MALL: variants seen among roughly 807,000 people sequenced by gnomAD.
MALL encodes the protein MAL-like protein.
A neutral mutation model predicts 10.3 loss-of-function variants in MALL; 2 were observed. The observed-to-expected ratio is 0.19, with a 90% CI of 0.08 to 0.61. The LOEUF is 0.61. MALL is among the 20% of genes least tolerant of loss of function. The pLI, the probability that MALL is intolerant of heterozygous loss-of-function variation, is 0.88. For synonymous variants in MALL, 27 were observed against 51.8 expected (o/e 0.52, Z 2.05); for missense variants, 39 against 115.2 (o/e 0.34, Z 3.03).
intron 1 of MALL, among the ~76,000 whole-genome samples, chr2:110,105,258 A>G (rs1335125157): frequency 6.6e-6 from 1 of 152,228 alleles, no homozygotes; most frequent in African/African-American, 2.4e-5. Flanking sequence ...GGCCTGGCCA[A>G]GGGGCCAAGG....
chr2:110,117,652 A>AGT (rs1678948773), upstream of MALL, among the ~76,000 whole-genome samples: 1 of 150,458 alleles, frequency 6.6e-6, no homozygotes, highest in African/African-American at 2.4e-5. Flanking sequence ...AGAGAGAGAG[A>AGT]GAGAAACACA....
chr2:110,096,104 C>T (rs774695853), intron 1 of MALL, among the ~76,000 whole-genome samples: 4 of 152,156 alleles, frequency 2.6e-5, no homozygotes, highest in Non-Finnish European at 5.9e-5. Flanking sequence ...TGAGCACTAC[C>T]CTCCGGGCGG....
chr2:110,104,161 T>C (rs1394115522), intron 1 of MALL, among the ~76,000 whole-genome samples: 1 of 152,102 alleles, frequency 6.6e-6, no homozygotes, highest in Non-Finnish European at 1.5e-5. Flanking sequence ...GACAGCTTCA[T>C]CTATAGGTTT....
intron 1 of MALL, among the ~76,000 whole-genome samples, chr2:110,111,361 T>C (rs902382107): frequency 4.6e-5 from 7 of 152,136 alleles, no homozygotes; most frequent in Non-Finnish European, 1.0e-4. Context: ...GATAAAAGAA[T>C]TCAGCAAAAG....
intron 1 of MALL, among the ~76,000 whole-genome samples, chr2:110,102,266 C>T (rs1678587225): frequency 6.6e-6 from 1 of 152,102 alleles, no homozygotes; most frequent in Admixed American, 6.5e-5. Context: ...ATGACTAGAC[C>T]CTGAAAGGCA....
chr2:110,096,428 T>C (rs1344630932), intron 1 of MALL, among the ~76,000 whole-genome samples: 1 of 152,022 alleles, frequency 6.6e-6, no homozygotes, highest in Non-Finnish European at 1.5e-5. Flanking sequence ...GGCCCCTCTA[T>C]CATCTGGCCC....
intron 1 of MALL, among the ~76,000 whole-genome samples, chr2:110,099,282 T>G (rs547093048): frequency 6.6e-6 from 1 of 152,114 alleles, no homozygotes; most frequent in South Asian, 2.1e-4. Flanking sequence ...TGGGAATGTG[T>G]GTGCGTGCCT....
At position 110,101,897 on chromosome 2, in the gene MALL, C is replaced by T. The variant is rs1326190536; in HGVS notation, c.106-10127G>A. Among the ~76,000 whole-genome samples, 3 of 152,104 alleles carry T rather than the reference C, an allele frequency of 2.0e-5. No individual in the cohort carries two copies. The East Asian group carries it at 5.8e-4, about 29-fold the overall frequency. On this transcript the variant is annotated intron_variant, in intron 1 of 3. Transcript: ENST00000272462. ...TTGGGGGGCATATTTTCCCTTTTGA[C>T]TACCTGTGTACCTTAGAAAAGCACA...
chr2:110,109,697 C>T (rs527267932), intron 1 of MALL, among the ~76,000 whole-genome samples: 13 of 152,072 alleles, frequency 8.5e-5, no homozygotes, highest in African/African-American at 2.2e-4. Flanking sequence ...TTGGAACAAA[C>T]GGACTTAACA....
At chr2:110,117,479 A>G (rs1260760592), upstream of MALL, among the ~76,000 whole-genome samples, 2 of 152,100 alleles carry the variant, frequency 1.3e-5, no homozygotes, top group African/African-American at 4.8e-5. Context: ...CAATTAGTAT[A>G]TTAAGAAATG....
Position 110,109,631 on chromosome 2 carries a change from A to C in MALL, c.105+6057T>G, listed in dbSNP as rs144400268. Among the ~76,000 whole-genome samples the C allele has an allele frequency of 1.6e-3, 242 of 152,304 alleles. 1 individual carries two copies. Among genetic ancestry groups the C allele is most frequent in the African/African-American group, 5.6e-3 (233 of 41,572 alleles). The stretch of plus-strand genomic sequence containing the variant: ...GGGACTTCAATACTCCACTGACAGC[A>C]CTAGACAGGCCATCATGACAGAAAG... On this transcript the variant is annotated intron_variant, in intron 1 of 3. Transcript: ENST00000272462.
In MALL at chr2:110,097,107, A is replaced by AAAG. The variant is rs1553477285; in HGVS notation, c.106-5338_106-5337insCTT. The stretch of plus-strand genomic sequence containing the variant: ...AAACAAAACAAAACAAAAAAAAAAA[A>AAAG]AGAGAGAGAAAATTCTATATCCCAA... On this transcript the variant is annotated intron_variant, in intron 1 of 3. Coordinates refer to ENST00000272462, the MANE Select transcript of MALL (RefSeq NM_005434.5). 7.5e-4 allele frequency among the ~76,000 whole-genome samples: 114 copies of AAAG among 151,826 alleles called. 1 individual carries two copies. The highest frequency in any genetic ancestry group is 3.4e-3 in the Middle Eastern group (1 of 294).
chr2:110,102,808 C>A (rs1373587183), intron 1 of MALL, among the ~76,000 whole-genome samples: 1 of 152,192 alleles, frequency 6.6e-6, no homozygotes, highest in Non-Finnish European at 1.5e-5. Context: ...CACCCTGCCT[C>A]CTCCCTGACC....
chr2:110,117,620 TGTGTGAGAGAGAGAGA>T (rs1475328662), upstream of MALL, among the ~76,000 whole-genome samples: 4 of 133,380 alleles, frequency 3.0e-5, no homozygotes, highest in South Asian at 2.5e-4. Context: ...TGTGTGTGTG[TGTGTGAGAGAGAGAGA>T]GAGAGAGAGA....
chr2:110,104,188 G>C (rs1678637790), intron 1 of MALL, among the ~76,000 whole-genome samples: 2 of 152,116 alleles, frequency 1.3e-5, no homozygotes, highest in Admixed American at 6.5e-5. Flanking sequence ...CAGCATCGCT[G>C]CCCCTCTGTC....
chr2:110,100,804 G>C (rs1166686059), intron 1 of MALL, among the ~76,000 whole-genome samples: 1 of 152,194 alleles, frequency 6.6e-6, no homozygotes, highest in African/African-American at 2.4e-5. Context: ...GGGCCATGCG[G>C]GGGTCTGGGT....
intron 1 of MALL, among the ~76,000 whole-genome samples, chr2:110,100,505 G>A (rs75900917): frequency 0.063 from 9,640 of 151,876 alleles, 387 homozygotes; most frequent in African/African-American, 0.12. Context: ...AAGCAGACTA[G>A]GATGTAAAGT....
intron 1 of MALL, among the ~76,000 whole-genome samples, chr2:110,095,077 A>G (rs1320706494): frequency 1.3e-5 from 2 of 149,640 alleles, no homozygotes; most frequent in Non-Finnish European, 3.0e-5. Context: ...AGGAGGAGGG[A>G]CCAGAGCCAA....
intron 1 of MALL, among the ~76,000 whole-genome samples, chr2:110,106,122 C>T (rs1452688087): frequency 5.3e-5 from 8 of 152,146 alleles, no homozygotes; most frequent in Admixed American, 2.0e-4. Flanking sequence ...CTCTAGAAAT[C>T]TTAGCTGTTT....
Sources: allele counts gnomAD v4.1 joint callset (sites outside exome capture counted in the v4.1 genomes callset), GRCh38; gene constraint gnomAD v4.1.1; transcripts MANE v1.5; gene names NCBI Gene and HGNC (gene_info 2026-07-23, HGNC 2026-07-21).